The following TSBP1 variants were observed in gnomAD, a reference collection of about 807,000 sequenced individuals.
The protein encoded by TSBP1 is testis-expressed basic protein 1.
TSBP1 carries 56 observed loss-of-function variants against 68.8 expected under a neutral mutation model. That is an observed-to-expected ratio of 0.81 (90% CI 0.66 to 1.02). The LOEUF (loss-of-function observed/expected upper bound fraction) is 1.02, where lower values mean the gene tolerates loss of function less well. Ranked by LOEUF, TSBP1 falls within the 50% of genes least tolerant of loss-of-function variation. The pLI is 0.00. For missense variants in TSBP1, 502 were observed against 641.2 expected (o/e 0.78, Z 2.34); for synonymous variants, 171 against 208.7 (o/e 0.82, Z 1.56).
intron 22 of TSBP1, among the ~76,000 whole-genome samples, chr6:32,297,465 AC>A (rs1423628771): frequency 6.6e-6 from 1 of 152,250 alleles, no homozygotes; most frequent in Non-Finnish European, 1.5e-5. Flanking sequence ...TCTAAATGAT[AC>A]TTAACATAGA....
intron 9 of TSBP1, among the ~76,000 whole-genome samples, chr6:32,347,092 A>G (rs1439033274): frequency 1.3e-5 from 2 of 152,204 alleles, no homozygotes; most frequent in African/African-American, 4.8e-5. Flanking sequence ...GTTGTATACC[A>G]TAAATATATA....
chr6:32,344,965 C>A (rs1352318519), intron 9 of TSBP1, among the ~76,000 whole-genome samples: 3 of 152,054 alleles, frequency 2.0e-5, no homozygotes, highest in African/African-American at 7.2e-5. Flanking sequence ...AAGTGATCCT[C>A]CCAACTCAGC....
intron 16 of TSBP1, chr6:32,324,621 C>A: frequency 6.6e-7 from 1 of 1,514,588 alleles, no homozygotes; most frequent in Non-Finnish European, 8.9e-7. Flanking sequence ...AGACCGAGTC[C>A]TAAAGGAGAG....
At chr6:32,294,167 T>C (rs765660807) in intron 22 of TSBP1, 132 bp from the exon 26 acceptor site, 2 of 948,882 alleles carry the variant, frequency 2.1e-6, no homozygotes, top group Non-Finnish European at 3.3e-6. Flanking sequence ...TCTCAAGTTA[T>C]CTAAAATGAT....
chr6:32,371,648 G>T, intron 1 of TSBP1, 46 bp downstream of exon 1: 1 of 1,388,672 alleles, frequency 7.2e-7, no homozygotes, highest in Non-Finnish European at 1.0e-6. Flanking sequence ...GGAGACTCCT[G>T]AACTACTAGA....
chr6:32,349,993 T>G, intron 8 of TSBP1: 1 of 726,226 alleles, frequency 1.4e-6, no homozygotes, highest in Admixed American at 1.9e-5. Flanking sequence ...TGTCTTTCAA[T>G]TTTGGTAAGA....
chr6:32,323,133 T>A, exon 18 of TSBP1: 2 of 1,582,490 alleles, frequency 1.3e-6, no homozygotes, highest in Non-Finnish European at 1.7e-6. Flanking sequence ...GTGCCATGGG[T>A]GGACCTAAAA....
rs181129343 is a variant in TSBP1 at position 32,338,805 on chromosome 6, C to G, written c.409+174G>C. ...TTCGGAAAAGTTAAAGGCAATAGTACTTTCTTACAGAGGCACCCCAGTTTA... is the reference window on the plus strand; with the variant it reads ...TTCGGAAAAGTTAAAGGCAATAGTAGTTTCTTACAGAGGCACCCCAGTTTA... On this transcript the variant is annotated intron_variant, in intron 11 of 22. Coordinates refer to ENST00000612031, the Ensembl canonical transcript of TSBP1. This position sits in a 1 kb window ranked among gnomAD's most constrained non-coding sequence, Gnocchi z 5.5. Among the ~76,000 whole-genome samples the G allele has an allele frequency of 1.2e-4, 18 of 152,208 alleles. No homozygotes were observed. In the East Asian group the frequency reaches 3.3e-3, roughly 28 times the overall value.
intron 20 of TSBP1, among the ~76,000 whole-genome samples, chr6:32,300,947 A>T (rs977573385): frequency 6.6e-6 from 1 of 152,262 alleles, no homozygotes; most frequent in African/African-American, 2.4e-5. Context: ...GAATGTCAAG[A>T]TTACAATTTA....
rs1022587662 is a variant in TSBP1, at chr6:32,338,700, C to G, written c.409+279G>C. On this transcript the variant is annotated intron_variant, in intron 11 of 22. Coordinates refer to ENST00000612031, the Ensembl canonical transcript of TSBP1. This position sits in a 1 kb window ranked among gnomAD's most constrained non-coding sequence, Gnocchi z 5.5. ...CTTTCTTTGAGTGTTACTGGGTTTT[C>G]TCACAGGGGAATCTTTCTTCCTTTC... 1.1e-4 allele frequency among the ~76,000 whole-genome samples: 16 copies of G among 152,116 alleles called. No individual in the cohort carries two copies. The highest frequency in any genetic ancestry group is 3.6e-4 in the African/African-American group (15 of 41,422).
chr6:32,355,032 T>C, intron 8 of TSBP1, 92 bp downstream of exon 8: 1 of 1,049,390 alleles, frequency 9.5e-7, no homozygotes. Flanking sequence ...TACTTAATTT[T>C]AAAAACTTTC....
At chr6:32,346,466 C>T (rs1265968077) in intron 9 of TSBP1, among the ~76,000 whole-genome samples, 2 of 152,172 alleles carry the variant, frequency 1.3e-5, no homozygotes, top group African/African-American at 4.8e-5. Flanking sequence ...AAATTCATAT[C>T]AGCAAATTTT....
At position 32,337,980 on chromosome 6, in the gene TSBP1, C is replaced by G. The variant is rs551423447; in HGVS notation, c.409+999G>C. On this transcript the variant is annotated intron_variant, in intron 11 of 22. Transcript: ENST00000612031. The surrounding 1 kb of genome is among the most constrained non-coding windows in gnomAD (Gnocchi z 5.5). Reference sequence around the variant, plus strand: ...CAGAGTTAGTCCTGTCTCAGGGGCTCAAGCTCTGAACATCCTCAAAAATGA... The same window carrying G: ...CAGAGTTAGTCCTGTCTCAGGGGCTGAAGCTCTGAACATCCTCAAAAATGA... Among the ~76,000 whole-genome samples, 19 of 152,260 alleles carry G rather than the reference C, an allele frequency of 1.2e-4. No individual in the cohort carries two copies. Among genetic ancestry groups the G allele is most frequent in the Admixed American group, 3.3e-4 (5 of 15,296 alleles).
At chr6:32,317,414 G>A (rs1767079485) in intron 18 of TSBP1, among the ~76,000 whole-genome samples, 2 of 152,118 alleles carry the variant, frequency 1.3e-5, no homozygotes, top group Admixed American at 1.3e-4. Context: ...ATTTCATGAT[G>A]AAGACAACAA....
At chr6:32,298,297 C>T (rs1396982283) in intron 22 of TSBP1, among the ~76,000 whole-genome samples, 7 of 151,902 alleles carry the variant, frequency 4.6e-5, no homozygotes, top group African/African-American at 7.3e-5. Context: ...TTAATTTCCC[C>T]GGCTGGGTGC....
intron 9 of TSBP1, among the ~76,000 whole-genome samples, chr6:32,342,014 C>T (rs1489696195): frequency 6.6e-6 from 1 of 151,436 alleles, no homozygotes; most frequent in Non-Finnish European, 1.5e-5. Flanking sequence ...CCTCCTCATT[C>T]CTGTCACAGT....
intron 21 of TSBP1, among the ~76,000 whole-genome samples, 195 bp downstream of exon 24, chr6:32,300,485 C>T (rs1220372116): frequency 6.6e-6 from 1 of 152,028 alleles, no homozygotes; most frequent in Non-Finnish European, 1.5e-5. Flanking sequence ...TAGAATCAAA[C>T]ACAAGACCAT....
At chr6:32,363,554 A>G (rs1773310449) in intron 6 of TSBP1, among the ~76,000 whole-genome samples, 1 of 151,110 alleles carries the variant, frequency 6.6e-6, no homozygotes, top group African/African-American at 2.4e-5. Context: ...TGGTTACCAT[A>G]AGCTTACATA....
Position 32,310,761 on chromosome 6 carries a change from A to ATATATATTTTTTTTT in TSBP1, c.580+5010_580+5011insAAAAAAAAATATATA. Among the ~76,000 whole-genome samples, 181 of 144,826 alleles carry ATATATATTTTTTTTT rather than the reference A, an allele frequency of 1.2e-3. 1 individual carries two copies. Among genetic ancestry groups the ATATATATTTTTTTTT allele is most frequent in the East Asian group, 7.8e-3 (39 of 5,010 alleles). On this transcript the variant is annotated intron_variant, in intron 19 of 22. Transcript: ENST00000612031. Reference sequence around the variant, plus strand: ...TATATATACATATATATATATATATATTTTTAATCTTTTTAGAAAGGATAG... The same window carrying ATATATATTTTTTTTT: ...TATATATACATATATATATATATATATATATATTTTTTTTTTTTTTAATCTTTTTAGAAAGGATAG...
Sources: allele counts gnomAD v4.1 joint callset (sites outside exome capture counted in the v4.1 genomes callset), GRCh38; gene constraint gnomAD v4.1.1; non-coding constraint Gnocchi (gnomAD v3.1); transcripts MANE v1.5; gene names NCBI Gene and HGNC (gene_info 2026-07-23, HGNC 2026-07-21).